The following WNK3 variants were observed in gnomAD, a reference collection of about 807,000 sequenced individuals.
The protein encoded by WNK3 is WNK lysine deficient protein kinase 3.
A neutral mutation model predicts 116.7 loss-of-function variants in WNK3; 18 were observed. That is an observed-to-expected ratio of 0.15 (90% CI 0.11 to 0.23). The LOEUF is 0.23. Among genes scored for constraint, WNK3 ranks in the 10% least tolerant of loss-of-function variants. The probability of loss-of-function intolerance (pLI) is 1.00; values close to 1 mark genes in which losing one functional copy is unlikely to be tolerated. For synonymous variants in WNK3, 404 were observed against 469.4 expected, an observed-to-expected ratio of 0.86 and a Z score of 1.80; for missense variants, 993 against 1,323.8, an observed-to-expected ratio of 0.75 and a Z score of 3.88.
chrX:54,236,713 G>T (rs2067965496), intron 20 of WNK3, among the ~76,000 whole-genome samples: 1 of 111,990 alleles, frequency 8.9e-6, no homozygotes, highest in Admixed American at 9.6e-5. Flanking sequence ...TTAGCAAAAA[G>T]AGTAGTTAAA....
intron 2 of WNK3, among the ~76,000 whole-genome samples, chrX:54,311,961 A>T (rs1189012086): frequency 9.0e-6 from 1 of 111,038 alleles, no homozygotes; most frequent in East Asian, 2.8e-4. Flanking sequence ...ACACCACCCC[A>T]TACACCGTCT....
At chrX:54,238,555 A>C (rs995302255) in intron 18 of WNK3, 83 bp from the exon 19 acceptor site, 2 of 965,534 alleles carry the variant, frequency 2.1e-6, no homozygotes, top group Non-Finnish European at 2.8e-6. Flanking sequence ...AAAATGAAGA[A>C]AAGTAGAAAA....
intron 6 of WNK3, among the ~76,000 whole-genome samples, chrX:54,300,620 C>T (rs183235339): frequency 8.9e-5 from 10 of 111,960 alleles, no homozygotes; most frequent in Admixed American, 8.6e-4. Context: ...TTGCAATATT[C>T]CAGTGCTCTT....
intron 10 of WNK3, among the ~76,000 whole-genome samples, chrX:54,268,080 G>GCACACACACA (rs57010526): frequency 5.0e-4 from 40 of 80,807 alleles, no homozygotes; most frequent in East Asian, 1.2e-3. Context: ...CTGAATGCGT[G>GCACACACACA]CACACACACA....
chrX:54,293,181 T>C (rs2068659202), exon 9 of WNK3: 1 of 1,207,838 alleles, frequency 8.3e-7, no homozygotes, highest in South Asian at 1.8e-5. Context: ...GATGAATAAA[T>C]TTGCCCTGGA....
intron 10 of WNK3, among the ~76,000 whole-genome samples, chrX:54,277,127 G>C (rs1306679059): frequency 1.8e-5 from 2 of 110,899 alleles, no homozygotes; most frequent in Non-Finnish European, 3.8e-5. Flanking sequence ...TACTAATGGT[G>C]AAAGACTTGT....
chrX:54,252,614 G>T (rs1438708464), intron 13 of WNK3, among the ~76,000 whole-genome samples: 1 of 104,766 alleles, frequency 9.5e-6, no homozygotes, highest in African/African-American at 3.5e-5. Flanking sequence ...AGGTTGCAGT[G>T]AGCCAAGATC....
At chrX:54,272,832 T>C (rs139433785) in intron 10 of WNK3, among the ~76,000 whole-genome samples, 2,307 of 112,106 alleles carry the variant, frequency 0.021, 24 homozygotes, top group Non-Finnish European at 0.031. Context: ...GACTGAAGTA[T>C]AAAGATATTA....
At chrX:54,198,504 C>T (rs2067469016) in exon 24 of WNK3, 2 of 1,202,998 alleles carry the variant, frequency 1.7e-6, no homozygotes, top group Non-Finnish European at 2.2e-6. Context: ...CAGCATTATA[C>T]TGACAAACGT....
chrX:54,298,688 C>A lies in WNK3; in HGVS notation c.1179-294G>T, dbSNP rs1177686127. On this transcript the variant is annotated intron_variant, in intron 6 of 23. Transcript: ENST00000354646. ...TCTTACAAGTAATACATCTAAATAACAAAGTTTAACATACACAAAATTATG... is the reference window on the plus strand; with the variant it reads ...TCTTACAAGTAATACATCTAAATAAAAAAGTTTAACATACACAAAATTATG... Among the ~76,000 whole-genome samples the A allele has an allele frequency of 3.6e-5, 4 of 111,548 alleles. No individual in the cohort carries two copies. The Admixed American group carries it at 3.8e-4, about 11-fold the overall frequency.
At chrX:54,313,918 G>C (rs1245997051) in intron 2 of WNK3, among the ~76,000 whole-genome samples, 2 of 109,892 alleles carry the variant, frequency 1.8e-5, no homozygotes. Context: ...GGGGCCAGGT[G>C]TGGTGGCTTA....
intron 2 of WNK3, among the ~76,000 whole-genome samples, chrX:54,318,015 G>A (rs2068982363): frequency 9.1e-6 from 1 of 110,146 alleles, no homozygotes; most frequent in African/African-American, 3.3e-5. Flanking sequence ...GCTGAGGGAT[G>A]TACAATGATG....
intron 22 of WNK3, among the ~76,000 whole-genome samples, chrX:54,227,099 T>C (rs995343647): frequency 8.9e-6 from 1 of 111,897 alleles, no homozygotes; most frequent in Non-Finnish European, 1.9e-5. Flanking sequence ...AATCTAAGAA[T>C]AGGAGATGAT....
At chrX:54,313,081 T>G (rs2068906249) in intron 2 of WNK3, among the ~76,000 whole-genome samples, 1 of 110,961 alleles carries the variant, frequency 9.0e-6, no homozygotes, top group African/African-American at 3.3e-5. Flanking sequence ...TCATTTTCAT[T>G]TTCATTTTCA....
At chrX:54,293,390 G>C in intron 8 of WNK3, 63 bp from the exon 9 acceptor site, 1 of 950,316 alleles carries the variant, frequency 1.1e-6, no homozygotes, top group Non-Finnish European at 1.4e-6. Flanking sequence ...ATGTCCAAAT[G>C]GTATAGGTAA....
intron 21 of WNK3, among the ~76,000 whole-genome samples, chrX:54,229,193 T>A (rs59485231): frequency 9.0e-6 from 1 of 110,603 alleles, no homozygotes; most frequent in South Asian, 3.7e-4. Context: ...TAGGTATAAA[T>A]AAATCGAAAC....
At chrX:54,215,339 C>T (rs782660408) in intron 22 of WNK3, among the ~76,000 whole-genome samples, 7 of 111,116 alleles carry the variant, frequency 6.3e-5, no homozygotes, top group African/African-American at 1.6e-4. Flanking sequence ...TGCAGGCGCG[C>T]GCCGCCACGC....
At chrX:54,275,270 C>A (rs782076571) in intron 10 of WNK3, among the ~76,000 whole-genome samples, 1 of 108,342 alleles carries the variant, frequency 9.2e-6, no homozygotes. Flanking sequence ...GAGCTGAGAT[C>A]GCACCATTGC....
intron 1 of WNK3, among the ~76,000 whole-genome samples, chrX:54,336,779 A>G (rs1557175449): frequency 9.0e-6 from 1 of 111,719 alleles, no homozygotes; most frequent in African/African-American, 3.3e-5. Flanking sequence ...AAAACACATT[A>G]GGGAACTACT....
Sources: gnomAD v4.1 joint callset for allele counts (sites outside exome capture counted in the v4.1 genomes callset) on GRCh38, gnomAD v4.1.1 for gene constraint, MANE v1.5 for transcripts, NCBI Gene and HGNC (gene_info 2026-07-23, HGNC 2026-07-21) for gene names.